TMEM67: variants seen among roughly 807,000 people sequenced by gnomAD.
The protein encoded by TMEM67 is meckelin.
A neutral mutation model predicts 136.6 loss-of-function variants in TMEM67; 124 were observed. The ratio of observed to expected loss-of-function variants is 0.91; its 90% CI spans 0.78 to 1.05. The LOEUF is 1.05. Among genes scored for constraint, TMEM67 ranks in the 50% least tolerant of loss-of-function variants. The pLI, the probability that TMEM67 is intolerant of heterozygous loss-of-function variation, is 0.00. For missense variants in TMEM67, 1,107 were observed against 1,178.4 expected (o/e 0.94, Z 0.89); for synonymous variants, 364 against 390.5 (o/e 0.93, Z 0.80).
chr8:93,760,011 A>T, intron 3 of TMEM67: 4 of 1,460,910 alleles, frequency 2.7e-6, no homozygotes, highest in Non-Finnish European at 2.7e-6. Flanking sequence ...TTACTGAGGG[A>T]TATGAAGGCA....
intron 16 of TMEM67, 187 bp from the exon 17 acceptor site, chr8:93,795,222 G>A: frequency 1.6e-6 from 1 of 633,256 alleles, no homozygotes; most frequent in South Asian, 1.9e-5. Context: ...GGCCAGAAAG[G>A]TAAGGAGCCA....
chr8:93,785,392 A>G lies in TMEM67; in HGVS notation c.1288+14A>G, dbSNP rs1458179636. The G allele has an allele frequency of 6.2e-7, 1 of 1,610,822 alleles. No individual in the cohort carries two copies. Among genetic ancestry groups the G allele is most frequent in the Non-Finnish European group, 8.5e-7 (1 of 1,177,942 alleles). ...TTGTGAACCAAGGTAAGACATCCATACATACCACTCTTTTCCCTGAGCAGA... is the reference window on the plus strand; with the variant it reads ...TTGTGAACCAAGGTAAGACATCCATGCATACCACTCTTTTCCCTGAGCAGA... On this transcript the variant is annotated intron_variant, in intron 12 of 27. Transcript: ENST00000453321.
At chr8:93,824,113 C>A (rs1477361028), downstream of TMEM67, among the ~76,000 whole-genome samples, 1 of 152,154 alleles carries the variant, frequency 6.6e-6, no homozygotes, top group African/African-American at 2.4e-5. Context: ...TAAGGGACAG[C>A]TTGTAGCAGA....
rs550422106 is a variant in TMEM67, at chr8:93,774,400, T to C, written c.714+1749T>C. On this transcript the variant is annotated intron_variant, in intron 7 of 27. Transcript: ENST00000453321. ...ATTATACTTTAAGTTCTAGGGTACA[T>C]GTGCACAACATGCAGGTTTGTTACA... Among the ~76,000 whole-genome samples the C allele has an allele frequency of 5.3e-4, 80 of 152,358 alleles. 1 individual carries two copies. Among genetic ancestry groups the C allele is most frequent in the Non-Finnish European group, 7.1e-4 (48 of 68,032 alleles).
At chr8:93,775,152 CT>C (rs1239019601) in intron 7 of TMEM67, among the ~76,000 whole-genome samples, 3 of 152,284 alleles carry the variant, frequency 2.0e-5, no homozygotes, top group Admixed American at 2.0e-4. Context: ...GCATAAATGT[CT>C]TCTGTTGAGA....
At chr8:93,787,700 G>T (rs1814173006) in intron 13 of TMEM67, 144 bp from the exon 14 acceptor site, 1 of 680,040 alleles carries the variant, frequency 1.5e-6, no homozygotes. Context: ...ATTAGTTTAT[G>T]TGTAACCTTC....
intron 14 of TMEM67, among the ~76,000 whole-genome samples, chr8:93,789,792 T>C (rs1814292249): frequency 6.6e-6 from 1 of 151,812 alleles, no homozygotes; most frequent in South Asian, 2.1e-4. Context: ...TTAAGTCCGC[T>C]GGTCGTAGTG....
In TMEM67 at chr8:93,765,417, G is replaced by A; in HGVS notation, c.518G>A (p.Cys173Tyr). The change falls in exon 5 of 28, where the codon TGT becomes TAT. Residue 173 changes from cysteine to tyrosine, a missense_variant. Transcript: ENST00000453321. ...GTTATATTGAACAGGTGCGTCCGATGTGAGCCAACATTTGTTAATACCAGC... is the reference window on the plus strand; with the variant it reads ...GTTATATTGAACAGGTGCGTCCGATATGAGCCAACATTTGTTAATACCAGC... The part of the protein sequence containing the change: ...VNALGDRCVR[C>Y]EPTFVNTSRS... 1 of 1,611,610 alleles carries A rather than the reference G, an allele frequency of 6.2e-7. No individual in the cohort carries two copies. The highest frequency in any genetic ancestry group is 8.5e-7 in the Non-Finnish European group (1 of 1,179,572).
intron 6 of TMEM67, among the ~76,000 whole-genome samples, chr8:93,771,639 A>G (rs1813332518): frequency 6.6e-6 from 1 of 152,180 alleles, no homozygotes; most frequent in African/African-American, 2.4e-5. Context: ...AAGTGTTCCT[A>G]AATTTCTGGG....
rs2130668790 is a variant in TMEM67 at position 93,781,709 on chromosome 8, C to T, written c.1030C>T (p.Leu344Phe). 1 of 1,610,502 alleles carries T rather than the reference C, an allele frequency of 6.2e-7. No individual in the cohort carries two copies. The highest frequency in any genetic ancestry group is 1.3e-5 in the African/African-American group (1 of 74,916). The change falls in exon 10 of 28, where the codon CTC (leucine) becomes TTC (phenylalanine). Residue 344 changes from leucine (L) to phenylalanine (F), a missense_variant. This residue lies in a region of TMEM67 where 925 missense variants were observed against 1,002.4 expected (regional missense o/e 0.92). Transcript: ENST00000453321. ...TTCCTATGATATAAGAGGAAATTTT[C>T]TCAAGTGGCAAACTTTAGAAGGAGG... is the stretch of plus-strand genomic sequence containing the variant. ...AASYDIRGNF[L>F]KWQTLEGGVL...
chr8:93,785,952 C>T (rs944794631), intron 12 of TMEM67: 3 of 420,858 alleles, frequency 7.1e-6, no homozygotes, highest in Non-Finnish European at 1.3e-5. Context: ...CCCTTGTAGT[C>T]CCAGCTACTC....
intron 3 of TMEM67, among the ~76,000 whole-genome samples, chr8:93,762,748 C>G (rs1483399424): frequency 6.6e-6 from 1 of 152,022 alleles, no homozygotes; most frequent in Non-Finnish European, 1.5e-5. Flanking sequence ...GTGTGTGTCT[C>G]TGTGTGTGCA....
At chr8:93,791,433 C>G in intron 15 of TMEM67, 114 bp downstream of exon 15, 1 of 704,170 alleles carries the variant, frequency 1.4e-6, no homozygotes, top group Non-Finnish European at 2.5e-6. Context: ...CCCAGACTCC[C>G]CTAATGTTAG....
intron 13 of TMEM67, among the ~76,000 whole-genome samples, chr8:93,786,551 A>G (rs1235622221): frequency 6.6e-6 from 1 of 152,210 alleles, no homozygotes; most frequent in Non-Finnish European, 1.5e-5. Context: ...GAGTTAGGTC[A>G]AAATGCACAT....
At chr8:93,818,573 G>A (rs1808984356), downstream of TMEM67, among the ~76,000 whole-genome samples, 1 of 152,080 alleles carries the variant, frequency 6.6e-6, no homozygotes. Context: ...TAAGCTGAGG[G>A]GAAATAACTG....
At chr8:93,796,405 T>C (rs73694961) in intron 18 of TMEM67, among the ~76,000 whole-genome samples, 2,946 of 152,306 alleles carry the variant, frequency 0.019, 97 homozygotes, top group African/African-American at 0.065. Flanking sequence ...TTTCTTCCTA[T>C]GGCCCCCCAA....
intron 3 of TMEM67, chr8:93,759,112 G>A (rs1812707113): frequency 6.6e-6 from 1 of 152,320 alleles, no homozygotes; most frequent in African/African-American, 2.4e-5. Context: ...AAGCATTCCT[G>A]TTAATGTCAG....
chr8:93,755,646 C>G, intron 1 of TMEM67, 132 bp from the exon 2 acceptor site: 1 of 664,004 alleles, frequency 1.5e-6, no homozygotes. Flanking sequence ...AGTACTGCCT[C>G]CAGAATCCTG....
chr8:93,755,331 A>G (rs1203645373), intron 1 of TMEM67, among the ~76,000 whole-genome samples, 194 bp downstream of exon 1: 1 of 152,144 alleles, frequency 6.6e-6, no homozygotes, highest in East Asian at 1.9e-4. Flanking sequence ...GAATACATGT[A>G]TATTGTTTAG....
Sources: gnomAD v4.1 joint callset for allele counts (sites outside exome capture counted in the v4.1 genomes callset) on GRCh38, gnomAD v4.1.1 for gene constraint, gnomAD v4.1.1 regional missense constraint, MANE v1.5 for transcripts, NCBI Gene and HGNC (gene_info 2026-07-23, HGNC 2026-07-21) for gene names.